AFG2A: variants seen among roughly 807,000 people sequenced by gnomAD.
AFG2A encodes AAA ATPase AFG2A, also known as ATPase family gene 2 protein homolog A.
At chr4:122,936,340 T>C in the AFG2A span, among the ~76,000 whole-genome samples, 1 of 152,240 alleles carries the variant, frequency 6.6e-6, no homozygotes, top group Non-Finnish European at 1.5e-5. Flanking sequence ...ATAAATATTA[T>C]TAAATTACAT....
the AFG2A span, among the ~76,000 whole-genome samples, chr4:123,091,077 T>G: frequency 6.6e-6 from 1 of 152,200 alleles, no homozygotes; most frequent in African/African-American, 2.4e-5. Flanking sequence ...CTGTTCCAGG[T>G]TTTATACACT....
the AFG2A span, among the ~76,000 whole-genome samples, chr4:123,301,026 G>A: frequency 1.3e-5 from 2 of 152,132 alleles, no homozygotes; most frequent in Non-Finnish European, 2.9e-5. Flanking sequence ...TTATTATGAA[G>A]CATTCAGAGG....
At chr4:122,927,047 C>A in the AFG2A span, among the ~76,000 whole-genome samples, 7 of 152,126 alleles carry the variant, frequency 4.6e-5, no homozygotes, top group Non-Finnish European at 1.0e-4. Context: ...GTGGAGATGA[C>A]AGCACATCAT....
chr4:122,952,805 G>T, the AFG2A span, among the ~76,000 whole-genome samples: 1 of 152,162 alleles, frequency 6.6e-6, no homozygotes, highest in African/African-American at 2.4e-5. Flanking sequence ...TTGACTCTCT[G>T]CGGCAATGGG....
the AFG2A span, among the ~76,000 whole-genome samples, chr4:123,208,425 T>C: frequency 6.6e-6 from 1 of 152,182 alleles, no homozygotes; most frequent in East Asian, 1.9e-4. Flanking sequence ...AAGGAACACA[T>C]TTAATGGAAC....
the AFG2A span, among the ~76,000 whole-genome samples, chr4:123,103,243 A>T: frequency 6.6e-6 from 1 of 152,068 alleles, no homozygotes; most frequent in Non-Finnish European, 1.5e-5. Context: ...TTTATAACTG[A>T]TTTAACAAAT....
chr4:122,949,928 C>A, the AFG2A span, among the ~76,000 whole-genome samples: 1 of 152,226 alleles, frequency 6.6e-6, no homozygotes, highest in South Asian at 2.1e-4. Flanking sequence ...ACTGAACCAT[C>A]GGGCTGGTTT....
the AFG2A span, among the ~76,000 whole-genome samples, chr4:122,962,424 G>A: frequency 1.3e-5 from 2 of 152,184 alleles, no homozygotes; most frequent in Non-Finnish European, 2.9e-5. Flanking sequence ...TTGTCCTACT[G>A]TGTAAATATT....
At chr4:123,165,776 G>C in the AFG2A span, among the ~76,000 whole-genome samples, 12 of 151,934 alleles carry the variant, frequency 7.9e-5, no homozygotes, top group African/African-American at 2.9e-4. Flanking sequence ...TTCTACCCTA[G>C]TTGACTATAA....
the AFG2A span, among the ~76,000 whole-genome samples, chr4:123,111,775 C>T: frequency 5.9e-5 from 9 of 152,162 alleles, 1 homozygote; most frequent in Admixed American, 3.9e-4. Context: ...CTCACCCTGT[C>T]GCCCAGGATG....
the AFG2A span, among the ~76,000 whole-genome samples, chr4:123,036,167 T>C: frequency 1.3e-5 from 2 of 152,188 alleles, no homozygotes; most frequent in African/African-American, 4.8e-5. Context: ...TTAGATGGGC[T>C]CCTCGTTATG....
At chr4:123,033,058 G>T in the AFG2A span, among the ~76,000 whole-genome samples, 3 of 152,140 alleles carry the variant, frequency 2.0e-5, no homozygotes, top group Non-Finnish European at 4.4e-5. Flanking sequence ...CATTTAACTA[G>T]ATATATTAAT....
At chr4:123,176,935 A>C in the AFG2A span, among the ~76,000 whole-genome samples, 2 of 152,218 alleles carry the variant, frequency 1.3e-5, no homozygotes, top group African/African-American at 4.8e-5. Flanking sequence ...TGTTGTAATG[A>C]TAGCATGTTG....
the AFG2A span, among the ~76,000 whole-genome samples, chr4:122,973,663 A>G: frequency 2.6e-5 from 4 of 152,104 alleles, no homozygotes; most frequent in Non-Finnish European, 4.4e-5. Context: ...AAGTTGTGCT[A>G]TGTTTATTAC....
the AFG2A span, among the ~76,000 whole-genome samples, chr4:122,937,612 T>C: frequency 3.9e-5 from 6 of 152,232 alleles, no homozygotes; most frequent in African/African-American, 7.2e-5. Context: ...GTACACCTTA[T>C]TGTTTAGTAT....
At chr4:123,219,873 A>AT in the AFG2A span, among the ~76,000 whole-genome samples, 4,116 of 146,964 alleles carry the variant, frequency 0.028, 190 homozygotes, top group African/African-American at 0.095. Flanking sequence ...TTGAAAAAAA[A>AT]TTTTTTTTTT....
the AFG2A span, among the ~76,000 whole-genome samples, chr4:123,296,015 C>T: frequency 1.3e-5 from 2 of 152,090 alleles, no homozygotes; most frequent in African/African-American, 4.8e-5. Flanking sequence ...CAATATATCC[C>T]AGCTAATGAA....
At chr4:123,057,459 A>C in the AFG2A span, among the ~76,000 whole-genome samples, 2 of 152,286 alleles carry the variant, frequency 1.3e-5, no homozygotes, top group East Asian at 3.9e-4. Flanking sequence ...AAATTATTTC[A>C]TGTAATTACT....
At chr4:123,288,667 A>G in the AFG2A span, among the ~76,000 whole-genome samples, 2 of 152,172 alleles carry the variant, frequency 1.3e-5, no homozygotes, top group Admixed American at 1.3e-4. Flanking sequence ...TTTCTTCTAG[A>G]ACATTGATCC....
Sources: gnomAD v4.1 joint callset for allele counts (sites outside exome capture counted in the v4.1 genomes callset) on GRCh38, gnomAD v4.1.1 for gene constraint, MANE v1.5 for transcripts, NCBI Gene and HGNC (gene_info 2026-07-23, HGNC 2026-07-21) for gene names.